The following ACSM3 variants were observed in gnomAD, a reference collection of about 807,000 sequenced individuals.
ACSM3 encodes acyl-coenzyme A synthetase ACSM3, mitochondrial.
ACSM3 carries 61 observed loss-of-function variants against 74.1 expected under a neutral mutation model. The ratio of observed to expected loss-of-function variants is 0.82; its 90% CI spans 0.67 to 1.02. The LOEUF is 1.02. Ranked by LOEUF, ACSM3 falls within the 50% of genes least tolerant of loss-of-function variation. The pLI is 0.00. For missense variants in ACSM3, 660 were observed against 697.0 expected (o/e 0.95, Z 0.60); for synonymous variants, 213 against 241.5 (o/e 0.88, Z 1.09).
At chr16:20,741,357 C>CT in intron 1 of ACSM3, 1 of 957,376 alleles carries the variant, frequency 1.0e-6, no homozygotes, top group Non-Finnish European at 1.5e-6. Flanking sequence ...CGTCTCAGGA[C>CT]TAGGGACGGA....
intron 1 of ACSM3, among the ~76,000 whole-genome samples, chr16:20,716,113 C>T (rs1421382365): frequency 6.6e-6 from 1 of 152,162 alleles, no homozygotes; most frequent in African/African-American, 2.4e-5. Context: ...GAACCTGTGC[C>T]ACAGTGCATT....
intron 1 of ACSM3, among the ~76,000 whole-genome samples, chr16:20,746,367 G>T (rs1196704979): frequency 1.3e-5 from 2 of 152,028 alleles, no homozygotes; most frequent in Non-Finnish European, 2.9e-5. Flanking sequence ...TAATTTAATG[G>T]TTCTTTTATA....
At chr16:20,701,537 A>T (rs79779181) in intron 1 of ACSM3, among the ~76,000 whole-genome samples, 2,327 of 152,284 alleles carry the variant, frequency 0.015, 65 homozygotes, top group African/African-American at 0.053. Flanking sequence ...TTTTAAAAAA[A>T]TTTTTACTTT....
At chr16:20,696,452 A>T (rs981247034) in intron 1 of ACSM3, among the ~76,000 whole-genome samples, 16 of 152,248 alleles carry the variant, frequency 1.1e-4, no homozygotes, top group Non-Finnish European at 1.3e-4. Flanking sequence ...AAACTGAGTG[A>T]TGAAAGTCAG....
chr16:20,728,745 G>A (rs946003662), intron 1 of ACSM3, among the ~76,000 whole-genome samples: 1 of 152,026 alleles, frequency 6.6e-6, no homozygotes, highest in Non-Finnish European at 1.5e-5. Flanking sequence ...TGCTAGAGGT[G>A]GAAGAGGGGC....
chr16:20,686,399 C>A (rs2079554376), intron 1 of ACSM3, among the ~76,000 whole-genome samples: 1 of 152,044 alleles, frequency 6.6e-6, no homozygotes, highest in African/African-American at 2.4e-5. Flanking sequence ...CAAATGCCCC[C>A]AGTCATGAAA....
At chr16:20,694,373 T>C (rs1332154204) in intron 1 of ACSM3, among the ~76,000 whole-genome samples, 1 of 152,190 alleles carries the variant, frequency 6.6e-6, no homozygotes, top group Admixed American at 6.5e-5. Context: ...GCTGAGTAAA[T>C]TAAATTTACA....
At chr16:20,751,764 C>A (rs762875646) in intron 2 of ACSM3, among the ~76,000 whole-genome samples, 2 of 152,216 alleles carry the variant, frequency 1.3e-5, no homozygotes, top group Admixed American at 6.5e-5. Flanking sequence ...CTCCATTCTT[C>A]TTCCCTTGGG....
At chr16:20,745,747 C>T (rs942571373) in intron 1 of ACSM3, among the ~76,000 whole-genome samples, 1 of 152,324 alleles carries the variant, frequency 6.6e-6, no homozygotes, top group Non-Finnish European at 1.5e-5. Context: ...AATGGTGTGA[C>T]ACATTCTAGA....
intron 1 of ACSM3, among the ~76,000 whole-genome samples, chr16:20,717,980 AGAAGAAGAAG>A (rs1211077299): frequency 1.2e-4 from 16 of 129,212 alleles, no homozygotes; most frequent in Non-Finnish European, 2.8e-4. Flanking sequence ...AAGAAGAAGA[AGAAGAAGAAG>A]AAGAAGAAGA....
intron 1 of ACSM3, among the ~76,000 whole-genome samples, chr16:20,743,078 A>G (rs1297058066): frequency 2.0e-5 from 3 of 150,804 alleles, no homozygotes; most frequent in African/African-American, 7.3e-5. Flanking sequence ...AGCTGGGACT[A>G]CAGGCGCCCG....
intron 1 of ACSM3, among the ~76,000 whole-genome samples, chr16:20,730,292 C>T (rs2079822585): frequency 6.6e-6 from 1 of 152,174 alleles, no homozygotes; most frequent in Non-Finnish European, 1.5e-5. Flanking sequence ...TGTCATGGAA[C>T]TCAGAATACA....
At chr16:20,781,496 G>T (rs1024429721) in intron 6 of ACSM3, among the ~76,000 whole-genome samples, 5 of 152,152 alleles carry the variant, frequency 3.3e-5, no homozygotes, top group Non-Finnish European at 7.3e-5. Flanking sequence ...GATATGCATA[G>T]GTTATATGCA....
chr16:20,702,592 T>C (rs911607434), intron 1 of ACSM3, among the ~76,000 whole-genome samples: 7 of 152,360 alleles, frequency 4.6e-5, no homozygotes, highest in Non-Finnish European at 7.3e-5. Context: ...AAATGTTTGT[T>C]GGCTGAATAA....
At chr16:20,767,094 G>A (rs1389629981) in intron 1 of ACSM3, among the ~76,000 whole-genome samples, 2 of 151,256 alleles carry the variant, frequency 1.3e-5, no homozygotes, top group African/African-American at 4.9e-5. Flanking sequence ...GATATTATGC[G>A]AAAAAAAATT....
At chr16:20,784,832 T>C (rs1342203570) in intron 7 of ACSM3, 152 bp from the exon 8 acceptor site, 2 of 658,406 alleles carry the variant, frequency 3.0e-6, no homozygotes, top group East Asian at 3.2e-5. Context: ...TAGTTGTATA[T>C]GTTTATGGGG....
intron 1 of ACSM3, chr16:20,741,514 C>T: frequency 9.7e-7 from 1 of 1,030,842 alleles, no homozygotes; most frequent in Non-Finnish European, 1.3e-6. Context: ...GGTACCTTTT[C>T]TGGCCCATAC....
At chr16:20,784,906 G>GT in intron 7 of ACSM3, 78 bp from the exon 8 acceptor site, 1 of 1,497,304 alleles carries the variant, frequency 6.7e-7, no homozygotes, top group Non-Finnish European at 9.0e-7. Context: ...TTATATTGAA[G>GT]TTCATAAGAA....
chr16:20,783,791 A>G (rs2080406182), intron 7 of ACSM3, among the ~76,000 whole-genome samples: 1 of 147,656 alleles, frequency 6.8e-6, no homozygotes, highest in Non-Finnish European at 1.5e-5. Context: ...AAACTGATAC[A>G]CATGTGTTCT....
Sources: allele counts gnomAD v4.1 joint callset (sites outside exome capture counted in the v4.1 genomes callset), GRCh38; gene constraint gnomAD v4.1.1; transcripts MANE v1.5; gene names NCBI Gene and HGNC (gene_info 2026-07-23, HGNC 2026-07-21).